MALRD1: variants seen among roughly 807,000 people sequenced by gnomAD.
MALRD1 encodes MAM and LDL-receptor class A domain-containing protein 1.
Under a neutral mutation model 242.1 loss-of-function variants are expected in MALRD1, and 247 were observed. The observed-to-expected ratio is 1.02, with a 90% CI of 0.92 to 1.13. The LOEUF is 1.13. Ranked by LOEUF, MALRD1 falls within the 50% of genes most tolerant of loss-of-function variation. The pLI, the probability that MALRD1 is intolerant of heterozygous loss-of-function variation, is 0.00. For missense variants in MALRD1, 2,989 were observed against 2,533.1 expected (o/e 1.18, Z -3.86); for synonymous variants, 995 against 866.6 (o/e 1.15, Z -2.60).
At chr10:19,327,479 A>T in intron 22 of MALRD1, 84 bp from the exon 23 acceptor site, 1 of 1,112,384 alleles carries the variant, frequency 9.0e-7, no homozygotes, top group Non-Finnish European at 1.3e-6. Context: ...ACTAAAAAAA[A>T]AAAAATCACT....
chr10:19,575,829 T>C (rs1338518239), intron 33 of MALRD1, among the ~76,000 whole-genome samples: 2 of 152,182 alleles, frequency 1.3e-5, no homozygotes, highest in Non-Finnish European at 2.9e-5. Context: ...ATTTGAGACC[T>C]TATGATTGTT....
In MALRD1 at chr10:19,428,234, C is replaced by T. The variant is rs79105906; in HGVS notation, c.4846-22073C>T. Among the ~76,000 whole-genome samples the T allele has an allele frequency of 7.2e-3, 1,093 of 151,890 alleles. 17 individuals are homozygous for T. Among genetic ancestry groups the T allele is most frequent in the African/African-American group, 0.025 (1,028 of 41,416 alleles). On this transcript the variant is annotated intron_variant, in intron 28 of 39. Coordinates refer to ENST00000454679, the MANE Select transcript of MALRD1 (RefSeq NM_001142308.3). ...CACCGAGATTTCACGGCAAGCTCCACGTTTAATTAATTTCATCAAAGGTTT... is the reference window on the plus strand; with the variant it reads ...CACCGAGATTTCACGGCAAGCTCCATGTTTAATTAATTTCATCAAAGGTTT...
intron 26 of MALRD1, among the ~76,000 whole-genome samples, chr10:19,376,542 C>CTTTTTTTTT (rs57836152): frequency 1.1e-5 from 1 of 94,992 alleles, no homozygotes; most frequent in African/African-American, 4.0e-5. Context: ...TTGATACATT[C>CTTTTTTTTT]TTTTTTTTTT....
At chr10:19,122,163 A>G (rs1339529250) in intron 5 of MALRD1, among the ~76,000 whole-genome samples, 1 of 152,202 alleles carries the variant, frequency 6.6e-6, no homozygotes, top group Non-Finnish European at 1.5e-5. Flanking sequence ...TAATAAAGGA[A>G]ATGAAGACAA....
intron 9 of MALRD1, among the ~76,000 whole-genome samples, chr10:19,134,605 C>A (rs913640965): frequency 6.6e-6 from 1 of 152,148 alleles, no homozygotes; most frequent in African/African-American, 2.4e-5. Flanking sequence ...GTTATGAAGG[C>A]AACTTCATTT....
intron 18 of MALRD1, among the ~76,000 whole-genome samples, chr10:19,252,154 C>T (rs10827158): frequency 0.17 from 26,127 of 152,048 alleles, 2,379 homozygotes; most frequent in African/African-American, 0.22. Context: ...TGGCAGCTGA[C>T]AACCTTGGTG....
At chr10:19,383,229 G>A (rs1301886607) in intron 26 of MALRD1, among the ~76,000 whole-genome samples, 1 of 152,004 alleles carries the variant, frequency 6.6e-6, no homozygotes, top group Non-Finnish European at 1.5e-5. Context: ...GTAAGCCCTG[G>A]TGTCTGTTGT....
intron 13 of MALRD1, among the ~76,000 whole-genome samples, chr10:19,171,714 A>G (rs1025457303): frequency 7.2e-6 from 1 of 139,624 alleles, no homozygotes; most frequent in Non-Finnish European, 1.6e-5. Flanking sequence ...ATATATACGT[A>G]TATACACGTA....
At chr10:19,392,305 G>A (rs1360293892) in intron 28 of MALRD1, among the ~76,000 whole-genome samples, 1 of 152,104 alleles carries the variant, frequency 6.6e-6, no homozygotes, top group Non-Finnish European at 1.5e-5. Flanking sequence ...GTGGGAACCT[G>A]AATCCAAGTA....
intron 36 of MALRD1, among the ~76,000 whole-genome samples, chr10:19,617,797 A>T (rs1331027326): frequency 1.3e-5 from 2 of 151,974 alleles, no homozygotes; most frequent in Non-Finnish European, 2.9e-5. Context: ...TTAGGTTCAA[A>T]ATCTCCCATG....
intron 33 of MALRD1, among the ~76,000 whole-genome samples, chr10:19,572,841 AAAG>A (rs1407243554): frequency 2.0e-5 from 3 of 152,120 alleles, no homozygotes; most frequent in African/African-American, 7.2e-5. Context: ...GGTCAGCTAA[AAAG>A]AAGCTAAGAG....
At chr10:19,422,230 A>G (rs1457969999) in intron 28 of MALRD1, among the ~76,000 whole-genome samples, 1 of 152,198 alleles carries the variant, frequency 6.6e-6, no homozygotes, top group Non-Finnish European at 1.5e-5. Context: ...CTGAGATGGA[A>G]TGCCACTTTG....
intron 32 of MALRD1, 31 bp downstream of exon 32, chr10:19,531,382 C>G: frequency 6.7e-7 from 1 of 1,498,238 alleles, no homozygotes; most frequent in Admixed American, 2.1e-5. Context: ...TTTATGATCA[C>G]TGAAATATGC....
intron 21 of MALRD1, among the ~76,000 whole-genome samples, chr10:19,303,153 TTAAA>T (rs1381682765): frequency 6.6e-6 from 1 of 151,442 alleles, no homozygotes; most frequent in East Asian, 1.9e-4. Flanking sequence ...AATAAACATG[TTAAA>T]TAAAAGGATT....
intron 26 of MALRD1, among the ~76,000 whole-genome samples, chr10:19,375,560 C>T (rs918524134): frequency 5.3e-5 from 8 of 152,126 alleles, no homozygotes; most frequent in Admixed American, 6.5e-5. Context: ...CCGCCATGCT[C>T]TCCTACTAAG....
At chr10:19,656,013 A>G (rs1841138914) in intron 36 of MALRD1, among the ~76,000 whole-genome samples, 1 of 152,204 alleles carries the variant, frequency 6.6e-6, no homozygotes, top group Non-Finnish European at 1.5e-5. Flanking sequence ...AATTGTAGAT[A>G]GTAATGGAAC....
At chr10:19,257,582 T>C (rs1281771252) in intron 18 of MALRD1, 102 bp from the exon 19 acceptor site, 2 of 908,504 alleles carry the variant, frequency 2.2e-6, no homozygotes, top group Non-Finnish European at 3.2e-6. Context: ...CAGAAGGTTA[T>C]ATTTGGGTAC....
rs1449127390 is a variant in MALRD1 at position 19,514,489 on chromosome 10, G to A, written c.5320+15843G>A. On this transcript the variant is annotated intron_variant, in intron 31 of 39. Coordinates refer to ENST00000454679, the MANE Select transcript of MALRD1 (RefSeq NM_001142308.3). The stretch of plus-strand genomic sequence containing the variant: ...GGAAAACTCCCTAAGTTAGTTCAAC[G>A]TCAAAAGATCCTAATTTAGACTTTG... 2.6e-5 allele frequency among the ~76,000 whole-genome samples: 4 copies of A among 152,108 alleles called. No individual in the cohort carries two copies. In the East Asian group the frequency reaches 5.8e-4, roughly 22 times the overall value.
intron 34 of MALRD1, among the ~76,000 whole-genome samples, chr10:19,604,087 T>G: frequency 6.6e-6 from 1 of 152,276 alleles, no homozygotes; most frequent in African/African-American, 2.4e-5. Context: ...GAGTAAGTCA[T>G]GTTGAACACC....
Sources: allele counts gnomAD v4.1 joint callset (sites outside exome capture counted in the v4.1 genomes callset), GRCh38; gene constraint gnomAD v4.1.1; transcripts MANE v1.5; gene names NCBI Gene and HGNC (gene_info 2026-07-23, HGNC 2026-07-21).